Variants in SGCD observed in about 807,000 individuals in gnomAD.
The protein encoded by SGCD is delta-sarcoglycan.
A neutral mutation model predicts 36.6 loss-of-function variants in SGCD; 18 were observed. The ratio of observed to expected loss-of-function variants is 0.49; its 90% CI spans 0.34 to 0.73. The LOEUF is 0.73. Ranked by LOEUF, SGCD falls within the 30% of genes least tolerant of loss-of-function variation. The probability of loss-of-function intolerance (pLI) is 0.01; values close to 1 mark genes in which losing one functional copy is unlikely to be tolerated. For missense variants in SGCD, 387 were observed against 346.7 expected, an observed-to-expected ratio of 1.12 and a Z score of -0.92; for synonymous variants, 133 against 130.6, an observed-to-expected ratio of 1.02 and a Z score of -0.12.
At chr5:156,599,339 T>C (rs1013617890) in intron 6 of SGCD, among the ~76,000 whole-genome samples, 2 of 152,058 alleles carry the variant, frequency 1.3e-5, no homozygotes, top group Non-Finnish European at 2.9e-5. Flanking sequence ...TATTCAAGTA[T>C]GTTTTCTCTC....
chr5:156,102,293 C>A (rs745378250), intron 1 of SGCD, among the ~76,000 whole-genome samples: 37 of 151,730 alleles, frequency 2.4e-4, no homozygotes, highest in Admixed American at 7.9e-4. Context: ...TGTTTTATAC[C>A]AGCTTCCATT....
chr5:156,737,491 A>T (rs1357963591), intron 7 of SGCD, among the ~76,000 whole-genome samples: 2 of 152,230 alleles, frequency 1.3e-5, no homozygotes, highest in African/African-American at 4.8e-5. Flanking sequence ...CTTTTAAAAA[A>T]TTAAGCTTGA....
intron 3 of SGCD, among the ~76,000 whole-genome samples, chr5:156,377,708 C>T (rs1343831231): frequency 1.3e-5 from 2 of 152,104 alleles, no homozygotes; most frequent in African/African-American, 4.8e-5. Context: ...TAGGCTAAAA[C>T]ACACACTCTT....
At chr5:155,928,489 G>A (rs1757035895) in intron 1 of SGCD, among the ~76,000 whole-genome samples, 3 of 151,894 alleles carry the variant, frequency 2.0e-5, no homozygotes, top group Admixed American at 2.0e-4. Flanking sequence ...CTAACATGGT[G>A]AAATCCAGTC....
At chr5:156,071,634 A>G (rs1349481698) in intron 1 of SGCD, among the ~76,000 whole-genome samples, 1 of 152,160 alleles carries the variant, frequency 6.6e-6, no homozygotes, top group Non-Finnish European at 1.5e-5. Context: ...AGTTCTGTAC[A>G]TGTCTATTAG....
chr5:156,041,116 A>T (rs1759622408), intron 1 of SGCD, among the ~76,000 whole-genome samples: 2 of 152,222 alleles, frequency 1.3e-5, no homozygotes, highest in South Asian at 2.1e-4. Flanking sequence ...ATAAAAGCAT[A>T]ATCAGATGTG....
At chr5:155,754,831 G>A in the SGCD span, among the ~76,000 whole-genome samples, 1 of 152,116 alleles carries the variant, frequency 6.6e-6, no homozygotes, top group Non-Finnish European at 1.5e-5. Flanking sequence ...GAGTTGTCTG[G>A]TGATGATTTA....
chr5:156,554,645 T>A (rs1184155128), intron 4 of SGCD, among the ~76,000 whole-genome samples: 5 of 147,708 alleles, frequency 3.4e-5, no homozygotes, highest in African/African-American at 9.9e-5. Flanking sequence ...TAATATATAT[T>A]ATATATATAT....
chr5:155,911,396 T>C (rs1211375766), intron 1 of SGCD, among the ~76,000 whole-genome samples: 1 of 151,650 alleles, frequency 6.6e-6, no homozygotes, highest in Non-Finnish European at 1.5e-5. Context: ...TAAGGAAATA[T>C]AAATGGGATG....
At position 156,058,807 on chromosome 5, in the gene SGCD, G is replaced by T. The variant is rs567958159; in HGVS notation, c.-281-59071G>T. Among the ~76,000 whole-genome samples, 13 of 145,674 alleles carry T rather than the reference G, an allele frequency of 8.9e-5. 1 individual carries two copies. In the South Asian group the frequency reaches 2.1e-3, roughly 24 times the overall value. ...TTGAAATGAGATGATGTCTGGGTTG[G>T]CCTCAAAGTAACCTGGAGAAAGGGG... On this transcript the variant is annotated intron_variant, in intron 1 of 9. Coordinates refer to the SGCD transcript ENST00000517913.
intron 1 of SGCD, among the ~76,000 whole-genome samples, chr5:155,930,972 CT>C (rs1002509725): frequency 6.6e-6 from 1 of 151,968 alleles, no homozygotes; most frequent in African/African-American, 2.4e-5. Flanking sequence ...TGAAGTTACT[CT>C]TTTTTTTCCT....
At chr5:155,994,541 A>C (rs2127565759) in intron 1 of SGCD, among the ~76,000 whole-genome samples, 1 of 152,316 alleles carries the variant, frequency 6.6e-6, no homozygotes, top group East Asian at 1.9e-4. Flanking sequence ...AGTTACTCTG[A>C]GTGGAAGAAG....
chr5:156,581,596 C>T (rs752700392), intron 4 of SGCD, among the ~76,000 whole-genome samples: 2 of 152,154 alleles, frequency 1.3e-5, no homozygotes, highest in Admixed American at 6.5e-5. Context: ...CTTCCCTGGG[C>T]GCTTTGTTTA....
At chr5:156,531,199 G>A (rs1757876622) in intron 4 of SGCD, among the ~76,000 whole-genome samples, 2 of 152,244 alleles carry the variant, frequency 1.3e-5, no homozygotes, top group South Asian at 4.1e-4. Flanking sequence ...TCCTCCCTTG[G>A]AGGATGCAGC....
intron 3 of SGCD, among the ~76,000 whole-genome samples, chr5:156,444,887 T>C (rs1753695905): frequency 6.6e-6 from 1 of 152,160 alleles, no homozygotes; most frequent in Non-Finnish European, 1.5e-5. Context: ...ATAAAGACAC[T>C]AAATGGGATA....
intron 6 of SGCD, among the ~76,000 whole-genome samples, chr5:156,641,048 T>C (rs1169371005): frequency 6.6e-6 from 1 of 152,238 alleles, no homozygotes; most frequent in East Asian, 1.9e-4. Flanking sequence ...ATCACTCAGT[T>C]CATTTTAAAT....
At chr5:156,550,846 A>C (rs1384356976) in intron 4 of SGCD, among the ~76,000 whole-genome samples, 1 of 152,234 alleles carries the variant, frequency 6.6e-6, no homozygotes, top group African/African-American at 2.4e-5. Context: ...TAAAGGAGAT[A>C]GTGAAGGGCT....
At chr5:155,846,301 C>G in the SGCD span, among the ~76,000 whole-genome samples, 1 of 152,186 alleles carries the variant, frequency 6.6e-6, no homozygotes, top group Admixed American at 6.5e-5. Flanking sequence ...GCCCATATAG[C>G]TGGAGTCATT....
At chr5:156,284,769 G>A (rs951613506) in intron 3 of SGCD, among the ~76,000 whole-genome samples, 3 of 152,118 alleles carry the variant, frequency 2.0e-5, no homozygotes, top group East Asian at 1.9e-4. Flanking sequence ...GCACAAGACA[G>A]GGATGCCCTC....
Sources: allele counts gnomAD v4.1 joint callset (sites outside exome capture counted in the v4.1 genomes callset), GRCh38; gene constraint gnomAD v4.1.1; transcripts MANE v1.5; gene names NCBI Gene and HGNC (gene_info 2026-07-23, HGNC 2026-07-21).